Variants in PPFIA4 observed in about 807,000 individuals in gnomAD.
PPFIA4 encodes the protein PPFI scaffold protein A4, also known as liprin-alpha-4.
PPFIA4 carries 98 observed loss-of-function variants against 145.7 expected under a neutral mutation model. The ratio of observed to expected loss-of-function variants is 0.67; its 90% CI spans 0.57 to 0.80. PPFIA4 has a LOEUF of 0.80. PPFIA4 is among the 30% of genes least tolerant of loss of function. The pLI is 0.00. For synonymous variants in PPFIA4, 628 were observed against 649.6 expected (o/e 0.97, Z 0.51); for missense variants, 1,457 against 1,632.7 (o/e 0.89, Z 1.85).
chr1:203,071,364 G>A (rs1165214196), intron 27 of PPFIA4, among the ~76,000 whole-genome samples: 1 of 151,022 alleles, frequency 6.6e-6, no homozygotes, highest in Non-Finnish European at 1.5e-5. Flanking sequence ...GTAGAGACGG[G>A]GTTTCACTGT....
At chr1:203,046,888 C>A (rs1660127138) in intron 9 of PPFIA4, among the ~76,000 whole-genome samples, 1 of 151,972 alleles carries the variant, frequency 6.6e-6, no homozygotes, top group African/African-American at 2.4e-5. Context: ...TTGAAGGCTG[C>A]AGTTTTAGGA....
At position 203,044,674 on chromosome 1, in the gene PPFIA4, C is replaced by A. The variant is rs912256817; in HGVS notation, c.577-22C>A. The A allele has an allele frequency of 4.5e-6, 7 of 1,541,830 alleles. No homozygotes were observed. In the Admixed American group the frequency reaches 8.1e-5, roughly 18 times the overall value. ...AGGTTCTCTTCTCTTTGACTCATTGCCCTGGGGCTTGTGCCCTACAGGTGT... is the reference window on the plus strand; with the variant it reads ...AGGTTCTCTTCTCTTTGACTCATTGACCTGGGGCTTGTGCCCTACAGGTGT... On this transcript the variant is annotated intron_variant, in intron 5 of 29. Transcript: ENST00000295706.
intron 18 of PPFIA4, 31 bp from the exon 19 acceptor site, chr1:203,056,753 A>C (rs747054831): frequency 1.9e-5 from 29 of 1,529,464 alleles, no homozygotes; most frequent in Admixed American, 9.5e-5. Context: ...GTTTCTTCTT[A>C]TTCCGCCCCC....
chr1:203,034,979 T>C (rs1659122782), intron 1 of PPFIA4, among the ~76,000 whole-genome samples: 1 of 152,236 alleles, frequency 6.6e-6, no homozygotes, highest in Non-Finnish European at 1.5e-5. Context: ...TAATTACATC[T>C]TCCTTGCAAA....
Position 203,060,956 on chromosome 1 carries a change from C to T in PPFIA4, c.2785-14C>T, listed in dbSNP as rs2102673296. ...CCACACCCAGGACCAGCTAGGTTTC[C>T]TCTCTGCCTGCAGTCTTCTGGGAAT... On this transcript the variant is annotated splice_polypyrimidine_tract_variant and intron_variant, in intron 22 of 29. Transcript: ENST00000295706. This position sits in a 1 kb window ranked among gnomAD's most constrained non-coding sequence, Gnocchi z 4.8. The T allele has an allele frequency of 6.2e-7, 1 of 1,613,910 alleles. No homozygotes were observed. Among genetic ancestry groups the T allele is most frequent in the South Asian group, 1.1e-5 (1 of 91,076 alleles).
chr1:203,040,613 C>T (rs561938439), intron 2 of PPFIA4, among the ~76,000 whole-genome samples: 4 of 152,222 alleles, frequency 2.6e-5, no homozygotes, highest in Middle Eastern at 3.4e-3. Flanking sequence ...CCCATGTGAC[C>T]GGAGAGAATG....
At chr1:203,037,323 C>G (rs1163558026) in intron 1 of PPFIA4, 1 of 163,128 alleles carries the variant, frequency 6.1e-6, no homozygotes, top group East Asian at 1.9e-4. Context: ...CCCTGACCCT[C>G]CTAGTCTGCC....
intron 19 of PPFIA4, among the ~76,000 whole-genome samples, chr1:203,057,893 G>A (rs10920555): frequency 0.31 from 46,706 of 149,992 alleles, 7,346 homozygotes; most frequent in Middle Eastern, 0.37. Context: ...GGAGGAAGGG[G>A]TTGGTCTGGG....
chr1:203,052,051 C>CCCCCT (rs1553257073), intron 14 of PPFIA4, among the ~76,000 whole-genome samples, 174 bp downstream of exon 14: 13 of 136,876 alleles, frequency 9.5e-5, no homozygotes, highest in African/African-American at 3.2e-4. Flanking sequence ...CTGTGCCCCC[C>CCCCCT]CCCCCGCTTG....
chr1:203,053,731 T>C (rs1000651667), intron 14 of PPFIA4, 22 bp from the exon 15 acceptor site: 1 of 1,548,128 alleles, frequency 6.5e-7, no homozygotes, highest in Admixed American at 2.0e-5. Flanking sequence ...TTACGACTCC[T>C]TTACCCTCCT....
chr1:203,070,165 G>T (rs1662046069), intron 27 of PPFIA4, among the ~76,000 whole-genome samples: 3 of 152,142 alleles, frequency 2.0e-5, no homozygotes, highest in African/African-American at 7.2e-5. Context: ...CAGTAATTCT[G>T]TAAATAGTAG....
chr1:203,034,805 C>A (rs1246430256), intron 1 of PPFIA4: 1 of 421,086 alleles, frequency 2.4e-6, no homozygotes, highest in African/African-American at 2.0e-5. Flanking sequence ...TTGGAGAAGA[C>A]ATGAAGTCTG....
At chr1:203,061,202 G>T (rs548839463) in intron 23 of PPFIA4, among the ~76,000 whole-genome samples, 170 bp downstream of exon 23, 1 of 152,296 alleles carries the variant, frequency 6.6e-6, no homozygotes, top group Admixed American at 6.5e-5. Context: ...CGGGAGAGGG[G>T]TGAGGCTGGG....
chr1:203,041,680 G>A (rs899966021), intron 2 of PPFIA4, among the ~76,000 whole-genome samples: 1 of 152,168 alleles, frequency 6.6e-6, no homozygotes, highest in African/African-American at 2.4e-5. Flanking sequence ...CAGGTATCCT[G>A]TGGTGGGGGG....
Position 203,048,364 on chromosome 1 carries a change from C to T in PPFIA4, c.1224+54C>T. ...CCCCTCCTTCCCGCAGGACAGGCTC[C>T]CAGGGCGGTCTGTGGAAGGGGCACG... On this transcript the variant is annotated intron_variant, in intron 10 of 29. Coordinates refer to ENST00000295706, the MANE Select transcript of PPFIA4 (RefSeq NM_001304331.2). The surrounding 1 kb of genome is among the most constrained non-coding windows in gnomAD (Gnocchi z 5.8). 1.3e-6 allele frequency: 2 copies of T among 1,579,810 alleles called. No individual in the cohort carries two copies. The highest frequency in any genetic ancestry group is 2.3e-5 in the East Asian group (1 of 43,696).
At position 203,046,286 on chromosome 1, in the gene PPFIA4, G is replaced by A; in HGVS notation, c.1044G>A (p.Glu348=). 6.3e-7 allele frequency: 1 copy of A among 1,596,946 alleles called. No homozygotes were observed. The highest frequency in any genetic ancestry group is 8.5e-7 in the Non-Finnish European group (1 of 1,172,500). ...CCCGACACCTGCAGGAGCTGCTGGA[G>A]GTGGCAGAGCAGAAGCTGCAGCAGA... is the stretch of plus-strand genomic sequence containing the variant. The part of the protein sequence containing the change: ...EKARHLQELL[E]VAEQKLQQTM... The change falls in exon 9 of 30, where the codon GAG becomes GAA. Residue 348 remains glutamate (E), a synonymous_variant. Transcript: ENST00000295706.
intron 23 of PPFIA4, 180 bp from the exon 24 acceptor site, chr1:203,061,472 G>A (rs565127012): frequency 3.9e-5 from 23 of 595,572 alleles, no homozygotes; most frequent in South Asian, 7.7e-5. Flanking sequence ...CCACCTCAAC[G>A]CAAACATGGG....
chr1:203,032,269 C>T (rs1340921518), intron 1 of PPFIA4, among the ~76,000 whole-genome samples: 1 of 152,066 alleles, frequency 6.6e-6, no homozygotes, highest in Non-Finnish European at 1.5e-5. Flanking sequence ...CTCCTTTTGG[C>T]CTTGGACTGC....
chr1:203,044,558 A>C, intron 5 of PPFIA4, 105 bp downstream of exon 5: 1 of 1,426,318 alleles, frequency 7.0e-7, no homozygotes, highest in East Asian at 2.5e-5. Context: ...CCATGGCTGG[A>C]AGCTGCTAGG....
Sources: allele counts gnomAD v4.1 joint callset (sites outside exome capture counted in the v4.1 genomes callset), GRCh38; gene constraint gnomAD v4.1.1; non-coding constraint Gnocchi (gnomAD v3.1); transcripts MANE v1.5; gene names NCBI Gene and HGNC (gene_info 2026-07-23, HGNC 2026-07-21).